The following DVL2 variants were observed in gnomAD, a reference collection of about 807,000 sequenced individuals.
The protein encoded by DVL2 is dishevelled segment polarity protein 2.
In DVL2, 38 loss-of-function variants were observed where a neutral mutation model predicts 69.8. That is an observed-to-expected ratio of 0.54 (90% CI 0.42 to 0.71). DVL2 has a LOEUF of 0.71. Among genes scored for constraint, DVL2 ranks in the 30% least tolerant of loss-of-function variants. The pLI is 0.00. For missense variants in DVL2, 931 were observed against 1,008.1 expected (o/e 0.92, Z 1.04); for synonymous variants, 428 against 392.4 (o/e 1.09, Z -1.07).
In DVL2 at chr17:7,229,978, C is replaced by T. The variant is rs1295793062; in HGVS notation, c.521-35G>A. On this transcript the variant is annotated intron_variant, in intron 4 of 14. Transcript: ENST00000005340. The surrounding 1 kb of genome is among the most constrained non-coding windows in gnomAD (Gnocchi z 4.4). ...GACAGGAAGCTCAAGAACCAAGCTT[C>T]CCCCTGCTCACCCCACCAAGGCTGG... The T allele has an allele frequency of 6.2e-7, 1 of 1,609,168 alleles. No homozygotes were observed. The highest frequency in any genetic ancestry group is 8.5e-7 in the Non-Finnish European group (1 of 1,179,604).
chr17:7,233,087 CAAAAAA>C (rs59984818), intron 1 of DVL2, among the ~76,000 whole-genome samples: 3 of 36,284 alleles, frequency 8.3e-5, no homozygotes, highest in Admixed American at 3.2e-4. Context: ...GAGACTGTCT[CAAAAAA>C]AAAAAAAAAA....
At chr17:7,226,337 C>CT (rs1278064171) in intron 14 of DVL2, 24 bp from the exon 15 acceptor site, 7 of 1,545,666 alleles carry the variant, frequency 4.5e-6, no homozygotes, top group Non-Finnish European at 6.1e-6. Flanking sequence ...GGAGGGGCAA[C>CT]TGAGTCCTCA....
In DVL2 at chr17:7,226,287, T is replaced by C. The variant is rs750956419; in HGVS notation, c.1789A>G (p.Ser597Gly). 1.7e-5 allele frequency: 27 copies of C among 1,585,454 alleles called. No homozygotes were observed. The highest frequency in any genetic ancestry group is 2.1e-5 in the Non-Finnish European group (25 of 1,168,154). Reference sequence around the variant, plus strand: ...CCCGTGCGCCCTGCCCCCCCATCACTCCGTGTCGACCCACTGCTCCGGCTG... The same window carrying C: ...CCCGTGCGCCCTGCCCCCCCATCACCCCGTGTCGACCCACTGCTCCGGCTG... The part of the protein sequence containing the change: ...EGSRSSGSTR[S>G]DGGAGRTGRP... The change falls in exon 15 of 15, where the codon AGT becomes GGT. Residue 597 changes from serine (S) to glycine (G), a missense_variant. By Grantham distance (56) the Ser-to-Gly change is moderately conservative (BLOSUM62 0). Coordinates refer to ENST00000005340, the MANE Select transcript of DVL2 (RefSeq NM_004422.3).
chr17:7,227,102 C>A lies in DVL2; in HGVS notation c.1531G>T (p.Gly511Cys). The change falls in exon 13 of 15, where the codon GGC (glycine) becomes TGC (cysteine). Residue 511 changes from glycine to cysteine, a missense_variant. Physicochemically the swap from Gly to Cys is radical, Grantham distance 159 (BLOSUM62 -3). Coordinates refer to ENST00000005340, the MANE Select transcript of DVL2 (RefSeq NM_004422.3). ...CAGGGGGACTTACAGCTCTCACAGCCACCACTGAGGTCTCCGAAGACGTAA... is the reference window on the plus strand; with the variant it reads ...CAGGGGGACTTACAGCTCTCACAGCAACCACTGAGGTCTCCGAAGACGTAA... ...CYYVFGDLSG[G>C]CESYLVNLSL... The A allele has an allele frequency of 6.2e-7, 1 of 1,608,500 alleles. No homozygotes were observed. Among genetic ancestry groups the A allele is most frequent in the South Asian group, 1.1e-5 (1 of 90,224 alleles).
In DVL2 at chr17:7,225,635, C is replaced by A. The variant is rs1209391239; in HGVS notation, c.*230G>T. The A allele has an allele frequency of 3.6e-6, 2 of 553,506 alleles. No homozygotes were observed. The highest frequency in any genetic ancestry group is 1.9e-5 in the African/African-American group (1 of 51,816). The allele number at this position is 553,506 out of a possible 1,614,324, so 34.3% of individuals were successfully genotyped here. ...AAATGTAAGAAACTCTATTTTAACC[C>A]CCAAAAAGGCTTATAAAAAAACAAA... On this transcript the variant is annotated 3_prime_UTR_variant, in exon 15 of 15. Coordinates refer to ENST00000005340, the MANE Select transcript of DVL2 (RefSeq NM_004422.3).
At chr17:7,234,014 C>T (rs1233710574) in intron 1 of DVL2, 55 bp downstream of exon 1, 2 of 1,584,226 alleles carry the variant, frequency 1.3e-6, no homozygotes, top group East Asian at 4.5e-5. Context: ...CCCTCCATGT[C>T]GCCCAATCCA....
chr17:7,230,292 A>G lies in DVL2; in HGVS notation c.403T>C (p.Ser135Pro). 1 of 1,614,056 alleles carries G rather than the reference A, an allele frequency of 6.2e-7. No individual in the cohort carries two copies. Among genetic ancestry groups the G allele is most frequent in the Non-Finnish European group, 8.5e-7 (1 of 1,180,012 alleles). ...TSGIGDSRPP[S>P]FHPNVSSSHE... ...AGAATCTGAAGGACTCACTGGAAGG[A>G]TGGAGGCCTTGAGTCCCCAATGCCG... The change falls in exon 3 of 15, where the codon TCC becomes CCC. Residue 135 changes from serine (S) to proline (P), a missense_variant. Ser to Pro is a moderately conservative substitution (Grantham distance 74, BLOSUM62 -1). Around this residue, in one of 3 missense-constraint regions of DVL2, gnomAD observed 555 missense variants for 588.8 expected, o/e 0.94. Transcript: ENST00000005340.
At chr17:7,232,443 G>A (rs1464825585) in intron 1 of DVL2, among the ~76,000 whole-genome samples, 2 of 152,142 alleles carry the variant, frequency 1.3e-5, no homozygotes, top group African/African-American at 4.8e-5. Context: ...AGCACAGCTT[G>A]GTCCACTCTG....
At chr17:7,230,459 C>T (rs1351802854) in intron 2 of DVL2, 29 bp from the exon 3 acceptor site, 1 of 1,610,400 alleles carries the variant, frequency 6.2e-7, no homozygotes, top group Non-Finnish European at 8.5e-7. Context: ...TAAACAGTGG[C>T]TCACTTGGGA....
chr17:7,230,517 CAG>C, intron 2 of DVL2, 87 bp from the exon 3 acceptor site: 1 of 1,556,302 alleles, frequency 6.4e-7, no homozygotes, highest in South Asian at 1.2e-5. Flanking sequence ...GAAAGGGTCT[CAG>C]AGAGCTGGAG....
At chr17:7,226,807 T>C (rs766176881) in intron 13 of DVL2, 168 bp from the exon 14 acceptor site, 8 of 655,034 alleles carry the variant, frequency 1.2e-5, no homozygotes, top group East Asian at 5.7e-5. Context: ...ACTTCTGCCA[T>C]GAGGGCAGGG....
intron 10 of DVL2, 76 bp downstream of exon 10, chr17:7,227,901 A>G: frequency 6.4e-7 from 1 of 1,569,726 alleles, no homozygotes; most frequent in Non-Finnish European, 8.7e-7. Context: ...CCCATTCCCC[A>G]TGACCACAGG....
intron 1 of DVL2, among the ~76,000 whole-genome samples, chr17:7,232,884 CA>C (rs2071563400): frequency 6.6e-6 from 1 of 151,850 alleles, no homozygotes; most frequent in Non-Finnish European, 1.5e-5. Flanking sequence ...GGTCAGAAGT[CA>C]GAGACCAGTC....
Position 7,230,329 on chromosome 17 carries a change from G to A in DVL2, c.366C>T (p.Pro122=), listed in dbSNP as rs200645215. 26 of 1,614,122 alleles carry A rather than the reference G, an allele frequency of 1.6e-5. No individual in the cohort carries two copies. The highest frequency in any genetic ancestry group is 8.3e-5 in the Admixed American group (5 of 60,008). ...PPAPPLPPLP[P]ERTSGIGDSR... is the part of the protein sequence containing the mutation. ...AGTCCCCAATGCCGCTGGTCCTCTC[G>A]GGTGGCAAAGGAGGTAAAGGTGGGG... Residue 122 remains proline (P), a synonymous_variant, in exon 3 of 15, where the codon CCC becomes CCT. Transcript: ENST00000005340.
rs1175355560 is a variant in DVL2 at position 7,230,438 on chromosome 17, G to C, written c.265-8C>G. The C allele has an allele frequency of 1.9e-6, 3 of 1,613,336 alleles. No individual in the cohort carries two copies. The highest frequency in any genetic ancestry group is 2.5e-6 in the Non-Finnish European group (3 of 1,179,470). On this transcript the variant is annotated splice_polypyrimidine_tract_variant and splice_region_variant and intron_variant, in intron 2 of 14. Transcript: ENST00000005340. ...ATTATCTGAGGACACCAGCTAGAAG[G>C]GTGCAAATGATAAACAGTGGCTCAC...
chr17:7,226,636 AG>A lies in DVL2; in HGVS notation c.1546del (p.Leu516Ter). ...GTTGTCATTGAGAGACAGGTTGACTAGGTCTGGAAAGCAAGGGAAGAGAGGA... is the reference window on the plus strand; with the variant it reads ...GTTGTCATTGAGAGACAGGTTGACTAGTCTGGAAAGCAAGGGAAGAGAGGA... ...GDLSGGCESY[L>X]VNLSLNDNDG... On this transcript the variant is annotated frameshift_variant and splice_region_variant, in exon 14 of 15. Transcript: ENST00000005340. LOFTEE classifies it high-confidence loss of function. 6.5e-7 allele frequency: 1 copy of A among 1,550,146 alleles called. No homozygotes were observed. Among genetic ancestry groups the A allele is most frequent in the East Asian group, 2.3e-5 (1 of 43,610 alleles).
chr17:7,233,340 G>A (rs1597554639), intron 1 of DVL2, among the ~76,000 whole-genome samples: 2 of 152,184 alleles, frequency 1.3e-5, no homozygotes, highest in South Asian at 4.1e-4. Flanking sequence ...GGCCCCAACA[G>A]CCTTGTCTGC....
At position 7,225,764 on chromosome 17, in the gene DVL2, G is replaced by T; in HGVS notation, c.*101C>A. ...GGCCACAATCTCCTGTATGGCAGCA[G>T]CTGGTAGGCTGAGCCCAGGCACTGT... On this transcript the variant is annotated 3_prime_UTR_variant, in exon 15 of 15. Coordinates refer to ENST00000005340, the MANE Select transcript of DVL2 (RefSeq NM_004422.3). 1 of 1,030,940 alleles carries T rather than the reference G, an allele frequency of 9.7e-7. No homozygotes were observed. Among genetic ancestry groups the T allele is most frequent in the Non-Finnish European group, 1.5e-6 (1 of 670,782 alleles). The allele number at this position is 1,030,940 out of a possible 1,614,324, so 63.9% of individuals were successfully genotyped here. A position where few individuals can be genotyped will look rare whatever the true frequency, so the allele number is the denominator to read the frequency against.
intron 2 of DVL2, 23 bp from the exon 3 acceptor site, chr17:7,230,453 C>A (rs767516034): frequency 6.2e-7 from 1 of 1,610,934 alleles, no homozygotes; most frequent in Non-Finnish European, 8.5e-7. Context: ...AAATGATAAA[C>A]AGTGGCTCAC....
Sources: gnomAD v4.1 joint callset for allele counts (sites outside exome capture counted in the v4.1 genomes callset) on GRCh38, gnomAD v4.1.1 for gene constraint, gnomAD v4.1.1 regional missense constraint, Gnocchi (gnomAD v3.1) non-coding constraint, MANE v1.5 for transcripts, NCBI Gene and HGNC (gene_info 2026-07-23, HGNC 2026-07-21) for gene names.